ARHGAP26: variants seen among roughly 807,000 people sequenced by gnomAD.
The protein encoded by ARHGAP26 is Rho GTPase activating protein 26.
Under a neutral mutation model 104.8 loss-of-function variants are expected in ARHGAP26, and 38 were observed. The ratio of observed to expected loss-of-function variants is 0.36; its 90% confidence interval spans 0.28 to 0.48. The LOEUF (loss-of-function observed/expected upper bound fraction) is 0.48. ARHGAP26 is among the 20% of genes least tolerant of loss of function. ARHGAP26 has a pLI of 0.99. For synonymous variants in ARHGAP26, 341 were observed against 340.0 expected (o/e 1.00, Z -0.03); for missense variants, 704 against 947.9 (o/e 0.74, Z 3.38).
chr5:143,046,924 T>C (rs1784325762), intron 14 of ARHGAP26, among the ~76,000 whole-genome samples: 1 of 152,198 alleles, frequency 6.6e-6, no homozygotes, highest in East Asian at 1.9e-4. Flanking sequence ...ATCAAAATGT[T>C]ATATTATTAC....
At chr5:142,818,615 T>C (rs1251121404) in intron 1 of ARHGAP26, among the ~76,000 whole-genome samples, 1 of 152,198 alleles carries the variant, frequency 6.6e-6, no homozygotes, top group Non-Finnish European at 1.5e-5. Flanking sequence ...TCACTTAATA[T>C]TTCTGAGTCT....
chr5:142,928,678 CT>C (rs1764266880), intron 10 of ARHGAP26, among the ~76,000 whole-genome samples: 1 of 152,152 alleles, frequency 6.6e-6, no homozygotes, highest in Non-Finnish European at 1.5e-5. Context: ...CTCTCTGAGC[CT>C]TGGTTTTCTC....
intron 11 of ARHGAP26, among the ~76,000 whole-genome samples, chr5:143,013,417 C>A (rs889956561): frequency 4.6e-5 from 7 of 152,084 alleles, no homozygotes; most frequent in Non-Finnish European, 7.4e-5. Context: ...TGGGCATTTT[C>A]TTTTTCTTTA....
At chr5:142,803,875 C>T (rs920294192) in intron 1 of ARHGAP26, among the ~76,000 whole-genome samples, 9 of 152,224 alleles carry the variant, frequency 5.9e-5, no homozygotes, top group African/African-American at 2.2e-4. Flanking sequence ...GGTCCTTGAT[C>T]ACTGAGGAGT....
At chr5:143,128,203 A>G (rs958452645) in intron 18 of ARHGAP26, among the ~76,000 whole-genome samples, 2 of 152,168 alleles carry the variant, frequency 1.3e-5, no homozygotes, top group Non-Finnish European at 2.9e-5. Context: ...TATTCCCCCC[A>G]ATAAATCCCA....
At chr5:143,017,508 C>G (rs532482372) in intron 12 of ARHGAP26, among the ~76,000 whole-genome samples, 7 of 152,300 alleles carry the variant, frequency 4.6e-5, no homozygotes, top group African/African-American at 1.7e-4. Flanking sequence ...TTTCTTGATT[C>G]ATTCATTCTT....
chr5:142,848,605 G>C (rs551053333), intron 1 of ARHGAP26, among the ~76,000 whole-genome samples: 5 of 152,196 alleles, frequency 3.3e-5, no homozygotes, highest in African/African-American at 1.2e-4. Context: ...TGTAGGTGGC[G>C]TGGAAGCTGC....
intron 1 of ARHGAP26, among the ~76,000 whole-genome samples, chr5:142,795,135 A>AT (rs1211951584): frequency 2.0e-5 from 3 of 152,104 alleles, no homozygotes; most frequent in South Asian, 2.1e-4. Flanking sequence ...CAACAGCCAC[A>AT]TTTTGCCTAC....
intron 20 of ARHGAP26, among the ~76,000 whole-genome samples, chr5:143,194,479 A>G (rs1003090339): frequency 1.3e-5 from 2 of 152,210 alleles, no homozygotes; most frequent in Non-Finnish European, 2.9e-5. Context: ...TAGTTCTCTT[A>G]AGTTAAGCAT....
intron 17 of ARHGAP26, 97 bp downstream of exon 17, chr5:143,057,844 C>A: frequency 1.0e-6 from 1 of 1,000,908 alleles, no homozygotes; most frequent in Non-Finnish European, 1.6e-6. Flanking sequence ...TTCTCTCTCC[C>A]ACTATTGCAT....
chr5:142,813,769 CTA>C, intron 1 of ARHGAP26, among the ~76,000 whole-genome samples: 1 of 152,338 alleles, frequency 6.6e-6, no homozygotes, highest in East Asian at 1.9e-4. Flanking sequence ...TTTAAAGACT[CTA>C]TTTCCAAATA....
At chr5:143,120,901 A>G (rs1350283446) in intron 17 of ARHGAP26, 87 bp from the exon 18 acceptor site, 6 of 1,362,402 alleles carry the variant, frequency 4.4e-6, no homozygotes. Flanking sequence ...GAGTCTATAA[A>G]TAGGAAGATA....
intron 14 of ARHGAP26, 118 bp from the exon 15 acceptor site, chr5:143,054,321 C>T: frequency 5.1e-6 from 3 of 591,608 alleles, no homozygotes; most frequent in Non-Finnish European, 8.5e-6. Context: ...AAATACTTGT[C>T]ATTTTTGTTT....
chr5:142,835,468 T>C (rs112638740), intron 1 of ARHGAP26, among the ~76,000 whole-genome samples: 2,092 of 152,370 alleles, frequency 0.014, 31 homozygotes, highest in Middle Eastern at 0.031. Flanking sequence ...GAGTCTCTGA[T>C]TCATCAAAAA....
At chr5:142,935,192 G>A (rs537123953) in intron 11 of ARHGAP26, among the ~76,000 whole-genome samples, 79 of 152,288 alleles carry the variant, frequency 5.2e-4, no homozygotes, top group African/African-American at 1.7e-3. Context: ...TGGCTCATCC[G>A]AATCTGGGAA....
intron 11 of ARHGAP26, among the ~76,000 whole-genome samples, chr5:142,998,532 G>A (rs76413541): frequency 0.023 from 3,565 of 152,234 alleles, 60 homozygotes; most frequent in Middle Eastern, 0.051. Context: ...GCTCAGGTCC[G>A]GTGTGCTTTT....
intron 16 of ARHGAP26, among the ~76,000 whole-genome samples, chr5:143,056,463 A>T (rs1785836207): frequency 6.6e-6 from 1 of 151,972 alleles, no homozygotes; most frequent in South Asian, 2.1e-4. Flanking sequence ...AATGAATCAG[A>T]CATTGCACAT....
At chr5:142,794,751 G>A (rs557960351) in intron 1 of ARHGAP26, among the ~76,000 whole-genome samples, 1 of 152,242 alleles carries the variant, frequency 6.6e-6, no homozygotes, top group Non-Finnish European at 1.5e-5. Flanking sequence ...AAAACAAAAT[G>A]ATGTATGAGA....
chr5:143,129,641 T>C (rs1180848899), intron 18 of ARHGAP26, among the ~76,000 whole-genome samples: 1 of 152,230 alleles, frequency 6.6e-6, no homozygotes, highest in Non-Finnish European at 1.5e-5. Context: ...AGTCTCAGTT[T>C]TCTCATCTCA....
Sources: allele counts gnomAD v4.1 joint callset (sites outside exome capture counted in the v4.1 genomes callset), GRCh38; gene constraint gnomAD v4.1.1; transcripts MANE v1.5; gene names NCBI Gene and HGNC (gene_info 2026-07-23, HGNC 2026-07-21).